Variants in ATG2B observed in about 807,000 individuals in gnomAD.
The protein encoded by ATG2B is autophagy related 2B.
ATG2B carries 121 observed loss-of-function variants against 241.3 expected under a neutral mutation model. The observed-to-expected ratio is 0.50, with a 90% CI of 0.43 to 0.58. The LOEUF (loss-of-function observed/expected upper bound fraction) is 0.58, where lower values mean the gene tolerates loss of function less well. Ranked by LOEUF, ATG2B falls within the 20% of genes least tolerant of loss-of-function variation. The pLI is 0.00. For missense variants in ATG2B, 2,306 were observed against 2,491.6 expected (o/e 0.93, Z 1.59); for synonymous variants, 858 against 876.6 (o/e 0.98, Z 0.37).
At chr14:96,328,874 G>A (rs1295684434) in intron 12 of ATG2B, 108 bp from the exon 13 acceptor site, 2 of 803,444 alleles carry the variant, frequency 2.5e-6, no homozygotes, top group Non-Finnish European at 3.8e-6. Context: ...CTGGTTTTAA[G>A]TTTCATTTTT....
At chr14:96,305,214 C>G (rs1028654831) in intron 31 of ATG2B, among the ~76,000 whole-genome samples, 49 of 152,284 alleles carry the variant, frequency 3.2e-4, no homozygotes, top group African/African-American at 1.1e-3. Flanking sequence ...CTGCTGAATG[C>G]TGGGGACAGG....
chr14:96,304,125 T>C (rs1014633815), intron 32 of ATG2B, among the ~76,000 whole-genome samples: 1 of 152,208 alleles, frequency 6.6e-6, no homozygotes, highest in African/African-American at 2.4e-5. Context: ...AACACAGGCT[T>C]TCCCAGACAG....
chr14:96,291,896 A>G (rs1886495736), intron 37 of ATG2B, 133 bp downstream of exon 37: 5 of 686,212 alleles, frequency 7.3e-6, no homozygotes, highest in Non-Finnish European at 1.2e-5. Flanking sequence ...ATTAAAAACA[A>G]TTAAATTTAA....
At chr14:96,358,263 C>T (rs896364525) in intron 1 of ATG2B, among the ~76,000 whole-genome samples, 5 of 151,938 alleles carry the variant, frequency 3.3e-5, no homozygotes, top group African/African-American at 9.7e-5. Flanking sequence ...TAGTGAAATC[C>T]GGTCTCTACA....
At chr14:96,343,452 A>G (rs1415971738) in intron 4 of ATG2B, among the ~76,000 whole-genome samples, 171 bp from the exon 5 acceptor site, 3 of 152,296 alleles carry the variant, frequency 2.0e-5, no homozygotes, top group African/African-American at 7.2e-5. Context: ...AAACCTATTT[A>G]CAATAAGAAA....
chr14:96,295,632 A>G (rs1886618282), intron 34 of ATG2B, 72 bp from the exon 35 acceptor site: 4 of 966,458 alleles, frequency 4.1e-6, no homozygotes, highest in Non-Finnish European at 6.3e-6. Flanking sequence ...GAAACAAAGT[A>G]TCTTAAACTC....
chr14:96,321,444 T>C (rs1887454197), intron 18 of ATG2B, among the ~76,000 whole-genome samples: 1 of 152,168 alleles, frequency 6.6e-6, no homozygotes, highest in South Asian at 2.1e-4. Flanking sequence ...CGATATGCCA[T>C]ACACTATTCT....
intron 14 of ATG2B, among the ~76,000 whole-genome samples, chr14:96,326,267 C>T (rs901485344): frequency 3.9e-5 from 6 of 152,272 alleles, no homozygotes; most frequent in South Asian, 2.1e-4. Context: ...AAATTCAATA[C>T]GGTTAAAAAT....
chr14:96,323,168 T>C (rs12891952), intron 16 of ATG2B, among the ~76,000 whole-genome samples: 11 of 152,278 alleles, frequency 7.2e-5, no homozygotes, highest in Non-Finnish European at 1.3e-4. Context: ...GAGAAGCTGA[T>C]TAGGAAACAG....
intron 1 of ATG2B, among the ~76,000 whole-genome samples, chr14:96,356,493 T>C (rs1456830412): frequency 6.6e-6 from 1 of 152,164 alleles, no homozygotes; most frequent in Non-Finnish European, 1.5e-5. Flanking sequence ...TTTAACGTAG[T>C]ACTGGTTTGG....
Position 96,353,151 on chromosome 14 carries a change from A to G in ATG2B, c.163-5810T>C, listed in dbSNP as rs141747226. Among the ~76,000 whole-genome samples the G allele has an allele frequency of 8.7e-4, 132 of 152,334 alleles. 1 individual carries two copies. The highest frequency in any genetic ancestry group is 3.0e-3 in the African/African-American group (125 of 41,560). ...GCCTAGGAGCAATAGGCTGTACCCT[A>G]TAGCCTAGGTATACAGTAGGCTATA... On this transcript the variant is annotated intron_variant, in intron 1 of 41. Coordinates refer to ENST00000359933, the MANE Select transcript of ATG2B (RefSeq NM_018036.7).
At chr14:96,311,461 T>C in intron 27 of ATG2B, 81 bp downstream of exon 27, 1 of 1,295,358 alleles carries the variant, frequency 7.7e-7, no homozygotes, top group Non-Finnish European at 1.1e-6. Context: ...CAAAATTAGG[T>C]ACACGGAAAA....
chr14:96,304,492 T>C lies in ATG2B; in HGVS notation c.4842+3A>G. ...TGGATTTTTCCTTCAAATGCCATCT[T>C]ACCTTGCTTAGCTGTATTTCCATTA... is the stretch of plus-strand genomic sequence containing the variant. On this transcript the variant is annotated splice_donor_region_variant and intron_variant, in intron 32 of 41. Coordinates refer to ENST00000359933, the MANE Select transcript of ATG2B (RefSeq NM_018036.7). The C allele has an allele frequency of 1.2e-6, 2 of 1,609,402 alleles. No individual in the cohort carries two copies. The highest frequency in any genetic ancestry group is 1.1e-5 in the South Asian group (1 of 90,792).
intron 25 of ATG2B, among the ~76,000 whole-genome samples, chr14:96,312,609 G>A (rs569446452): frequency 2.0e-5 from 3 of 151,952 alleles, no homozygotes; most frequent in African/African-American, 7.2e-5. Flanking sequence ...AATCAGCCAG[G>A]GATAGAGGCA....
intron 28 of ATG2B, 144 bp from the exon 29 acceptor site, chr14:96,309,738 G>C (rs1349125952): frequency 1.0e-5 from 8 of 776,060 alleles, no homozygotes; most frequent in Non-Finnish European, 1.5e-5. Flanking sequence ...CCCAGCAGCT[G>C]TTATATTTCA....
chr14:96,345,694 TG>T (rs1279436722), intron 2 of ATG2B, among the ~76,000 whole-genome samples: 2 of 152,162 alleles, frequency 1.3e-5, no homozygotes, highest in Admixed American at 1.3e-4. Context: ...TACAGATGCA[TG>T]GAACTGTTCT....
chr14:96,348,754 A>G (rs951828897), intron 1 of ATG2B, among the ~76,000 whole-genome samples: 2 of 152,158 alleles, frequency 1.3e-5, no homozygotes, highest in African/African-American at 2.4e-5. Flanking sequence ...ATTTTTAAAT[A>G]TCTAAAAGAG....
At position 96,313,423 on chromosome 14, in the gene ATG2B, A is replaced by G. The variant is rs1408334250; in HGVS notation, c.3655T>C (p.Leu1219=). Residue 1219 remains leucine (L), a synonymous_variant, in exon 24 of 42, where the codon TTG becomes CTG. Coordinates refer to ENST00000359933, the MANE Select transcript of ATG2B (RefSeq NM_018036.7). ...AAAACAGGTTCATCAGCAATATTCA[A>G]GAAGTATAAAATCTATAATCACAAA... ...LSWHEQILYF[L]NIADEPVLGY... The G allele has an allele frequency of 2.6e-6, 4 of 1,564,310 alleles. No homozygotes were observed. The highest frequency in any genetic ancestry group is 3.5e-6 in the Non-Finnish European group (4 of 1,158,532).
At position 96,325,653 on chromosome 14, in the gene ATG2B, T is replaced by G. The variant is rs758333743; in HGVS notation, c.2433A>C (p.Leu811=). 10 of 1,610,568 alleles carry G rather than the reference T, an allele frequency of 6.2e-6. No homozygotes were observed. The highest frequency in any genetic ancestry group is 5.0e-5 in the Admixed American group (3 of 59,500). Residue 811 remains leucine, a synonymous_variant, in exon 15 of 42, where the codon CTA becomes CTC. Coordinates refer to ENST00000359933, the MANE Select transcript of ATG2B (RefSeq NM_018036.7). ...TACAGGCACATTCAATCTTACCAAT[T>G]AGTTCTCTAAAGGTAAGTTCCAATT... ...QIKLELTFRE[L]IGSFQEEKGD...
Sources: allele counts gnomAD v4.1 joint callset (sites outside exome capture counted in the v4.1 genomes callset), GRCh38; gene constraint gnomAD v4.1.1; transcripts MANE v1.5; gene names NCBI Gene and HGNC (gene_info 2026-07-23, HGNC 2026-07-21).